Variants in EVA1A observed in about 807,000 individuals in gnomAD.
EVA1A encodes protein eva-1 homolog A.
A neutral mutation model predicts 9.8 loss-of-function variants in EVA1A; 7 were observed. The observed-to-expected ratio is 0.71, with a 90% confidence interval of 0.41 to 1.34. EVA1A has a LOEUF of 1.34. Ranked by LOEUF, EVA1A falls within the 40% of genes most tolerant of loss-of-function variation. The pLI is 0.01. For missense variants in EVA1A, 206 were observed against 205.9 expected (o/e 1.00, Z 0.00); for synonymous variants, 90 against 85.6 (o/e 1.05, Z -0.28).
chr2:75,548,335 A>G (rs1431101868), intron 1 of EVA1A, among the ~76,000 whole-genome samples: 1 of 152,060 alleles, frequency 6.6e-6, no homozygotes, highest in Non-Finnish European at 1.5e-5. Context: ...AGGTTTTGCC[A>G]TGTTGGCCTG....
chr2:75,509,744 C>A (rs1330723051), intron 3 of EVA1A, among the ~76,000 whole-genome samples: 1 of 152,046 alleles, frequency 6.6e-6, no homozygotes, highest in Non-Finnish European at 1.5e-5. Context: ...TTACAAAAAT[C>A]TGGATCTTAA....
intron 1 of EVA1A, among the ~76,000 whole-genome samples, chr2:75,527,836 C>T (rs1675506502): frequency 6.6e-6 from 1 of 152,104 alleles, no homozygotes; most frequent in Non-Finnish European, 1.5e-5. Flanking sequence ...AGGAACATAC[C>T]AGGGCAACTG....
rs1676658817 is a variant in EVA1A at position 75,555,128 on chromosome 2, A to G, written c.-192+5552T>C. 2.0e-5 allele frequency among the ~76,000 whole-genome samples: 3 copies of G among 152,174 alleles called. No individual in the cohort carries two copies. The South Asian group carries it at 6.2e-4, about 32-fold the overall frequency. On this transcript the variant is annotated intron_variant, in intron 1 of 3. Coordinates refer to ENST00000393913, the MANE Select transcript of EVA1A (RefSeq NM_001135032.2). ...AATTGTCTAATCAATAAGCATATGC[A>G]CCCATCCTCTGTGGGGAGCTCAGTG...
At position 75,507,996 on chromosome 2, in the gene EVA1A, T is replaced by C. The variant is rs182588183; in HGVS notation, c.85+10060A>G. 2.9e-3 allele frequency among the ~76,000 whole-genome samples: 440 copies of C among 152,334 alleles called. 2 individuals carry two copies. Among genetic ancestry groups the C allele is most frequent in the African/African-American group, 0.01 (432 of 41,580 alleles). On this transcript the variant is annotated intron_variant, in intron 3 of 3. Transcript: ENST00000393913. ...ATTTTATAATTTCTTATGCCTCTCT[T>C]TACTGCAATCTCTAAACATAAATTG...
intron 1 of EVA1A, among the ~76,000 whole-genome samples, chr2:75,551,145 AAAAAC>A (rs1397849966): frequency 6.6e-6 from 1 of 152,054 alleles, no homozygotes; most frequent in African/African-American, 2.4e-5. Flanking sequence ...ACAAAACAAA[AAAAAC>A]CAAAAAAAAC....
At chr2:75,520,002 T>G (rs1414104383) in intron 2 of EVA1A, among the ~76,000 whole-genome samples, 1 of 152,202 alleles carries the variant, frequency 6.6e-6, no homozygotes, top group Non-Finnish European at 1.5e-5. Flanking sequence ...AACCCAACTC[T>G]AATGAATTTC....
At chr2:75,516,857 G>C (rs1675023860) in intron 3 of EVA1A, among the ~76,000 whole-genome samples, 1 of 152,158 alleles carries the variant, frequency 6.6e-6, no homozygotes, top group Admixed American at 6.5e-5. Flanking sequence ...CAGCTCTTGT[G>C]TCCTTTCTCT....
At chr2:75,562,594 A>C (rs909647203), upstream of EVA1A, among the ~76,000 whole-genome samples, 5 of 152,222 alleles carry the variant, frequency 3.3e-5, no homozygotes, top group Non-Finnish European at 5.9e-5. Flanking sequence ...TACTCTCTGA[A>C]CTTGAGAAAG....
intron 1 of EVA1A, among the ~76,000 whole-genome samples, chr2:75,559,697 T>TGGGGGGGGGGGGGG (rs36059976): frequency 2.5e-5 from 2 of 78,840 alleles, no homozygotes; most frequent in African/African-American, 5.8e-5. Flanking sequence ...AGAAAGGAGG[T>TGGGGGGGGGGGGGG]GGGGGGGGGG....
At chr2:75,564,084 A>T (rs1449324703), upstream of EVA1A, among the ~76,000 whole-genome samples, 1 of 152,258 alleles carries the variant, frequency 6.6e-6, no homozygotes, top group African/African-American at 2.4e-5. Context: ...GATGTGAGAA[A>T]GGGGCATTAA....
chr2:75,529,305 C>A (rs898435736), intron 1 of EVA1A, among the ~76,000 whole-genome samples: 41 of 152,178 alleles, frequency 2.7e-4, no homozygotes, highest in African/African-American at 9.7e-4. Flanking sequence ...TAGTGGGGAA[C>A]TTTAATACCC....
chr2:75,539,728 T>C (rs1161597394), intron 1 of EVA1A, among the ~76,000 whole-genome samples: 3 of 152,166 alleles, frequency 2.0e-5, no homozygotes, highest in East Asian at 1.9e-4. Context: ...ATGGGAAAAC[T>C]AAAAAATTAA....
rs1222239692 is a variant in EVA1A, at chr2:75,492,450, T to C, written c.*786A>G. ...AAAACAAAGTGTTTAAAATCACAAT[T>C]ATCTAGAGTCATAATAAAATTTTCT... On this transcript the variant is annotated 3_prime_UTR_variant, in exon 4 of 4. Transcript: ENST00000393913. 6.6e-6 allele frequency: 1 copy of C among 150,836 alleles called. No homozygotes were observed. Among genetic ancestry groups the C allele is most frequent in the Non-Finnish European group, 1.5e-5 (1 of 67,790 alleles). The allele number at this position is 150,836 out of a possible 1,614,324, so 9.3% of individuals were successfully genotyped here. A position where few individuals can be genotyped will look rare whatever the true frequency, so the allele number is the denominator to read the frequency against.
chr2:75,546,298 T>G (rs745636361), intron 1 of EVA1A, among the ~76,000 whole-genome samples: 13 of 152,300 alleles, frequency 8.5e-5, no homozygotes, highest in African/African-American at 3.1e-4. Flanking sequence ...TTCACCTTTA[T>G]ATCCTTGGAG....
intron 1 of EVA1A, among the ~76,000 whole-genome samples, chr2:75,551,709 T>C (rs1031866867): frequency 5.9e-5 from 9 of 152,222 alleles, no homozygotes; most frequent in Non-Finnish European, 7.3e-5. Flanking sequence ...AGCTGTAAAA[T>C]AGGTAAAACA....
intron 1 of EVA1A, among the ~76,000 whole-genome samples, chr2:75,538,690 G>A (rs1252094411): frequency 6.6e-6 from 1 of 152,154 alleles, no homozygotes; most frequent in African/African-American, 2.4e-5. Flanking sequence ...GATACACAAG[G>A]CAACCTGGAT....
intron 3 of EVA1A, among the ~76,000 whole-genome samples, chr2:75,507,024 A>G (rs1396483136): frequency 6.6e-6 from 1 of 152,194 alleles, no homozygotes; most frequent in Non-Finnish European, 1.5e-5. Context: ...CACATCCAAA[A>G]GTAGATCTGT....
intron 3 of EVA1A, chr2:75,517,855 C>G (rs949063722): frequency 1.3e-6 from 1 of 742,016 alleles, no homozygotes; most frequent in Middle Eastern, 2.3e-4. Context: ...CTCTTAGAAC[C>G]CTTCATTTTT....
intron 1 of EVA1A, among the ~76,000 whole-genome samples, chr2:75,544,302 G>A (rs1225917720): frequency 2.6e-4 from 39 of 152,160 alleles, no homozygotes; most frequent in Non-Finnish European, 5.9e-5. Flanking sequence ...GACTTCCCTG[G>A]AATGTATGCT....
Sources: gnomAD v4.1 joint callset for allele counts (sites outside exome capture counted in the v4.1 genomes callset) on GRCh38, gnomAD v4.1.1 for gene constraint, MANE v1.5 for transcripts, NCBI Gene and HGNC (gene_info 2026-07-23, HGNC 2026-07-21) for gene names.